Variants in SUPT3H observed in about 807,000 individuals in gnomAD.
SUPT3H encodes SPT3 homolog, SAGA and STAGA complex component.
In SUPT3H, 44 loss-of-function variants were observed where a neutral mutation model predicts 44.3. The observed-to-expected ratio is 0.99, with a 90% CI of 0.78 to 1.28. SUPT3H has a LOEUF of 1.28. SUPT3H is among the 50% of genes most tolerant of loss of function. SUPT3H has a pLI of 0.00. For synonymous variants in SUPT3H, 124 were observed against 125.6 expected (o/e 0.99, Z 0.09); for missense variants, 380 against 387.1 (o/e 0.98, Z 0.15).
chr6:45,002,957 T>C (rs1582996489), intron 6 of SUPT3H, among the ~76,000 whole-genome samples: 2 of 152,278 alleles, frequency 1.3e-5, no homozygotes, highest in Non-Finnish European at 1.5e-5. Flanking sequence ...TATGTGAAAG[T>C]ATGATAATAG....
rs58524677 is a variant in SUPT3H at position 45,288,547 on chromosome 6, GTATATATA to G, written c.101+76646_101+76653del. 2.6e-3 allele frequency among the ~76,000 whole-genome samples: 324 copies of G among 126,680 alleles called. 5 individuals are homozygous for G. The highest frequency in any genetic ancestry group is 8.7e-3 in the Middle Eastern group (2 of 230). 83.1% of individuals were successfully genotyped at this position (126,680 alleles called of 152,430 possible). ...AGAGATACAATGTGTGTGTGTGTGT[GTATATATA>G]TATATATATGTATATATATATATAT... On this transcript the variant is annotated intron_variant, in intron 2 of 10. Coordinates refer to ENST00000371459, the MANE Select transcript of SUPT3H (RefSeq NM_003599.4).
At chr6:45,330,871 A>G in intron 2 of SUPT3H, among the ~76,000 whole-genome samples, 1 of 151,970 alleles carries the variant, frequency 6.6e-6, no homozygotes, top group East Asian at 1.9e-4. Flanking sequence ...TGAGTAGTGG[A>G]CATCATGTAT....
intron 10 of SUPT3H, among the ~76,000 whole-genome samples, chr6:44,907,030 G>C (rs1431898987): frequency 1.3e-5 from 2 of 152,122 alleles, no homozygotes; most frequent in Non-Finnish European, 2.9e-5. Context: ...TCATTACCTT[G>C]ATGATTAAGA....
At chr6:45,284,092 C>T (rs1584693041) in intron 2 of SUPT3H, among the ~76,000 whole-genome samples, 1 of 151,960 alleles carries the variant, frequency 6.6e-6, no homozygotes, top group Non-Finnish European at 1.5e-5. Flanking sequence ...ACATTCAAAG[C>T]AGTGTGTAGA....
intron 2 of SUPT3H, among the ~76,000 whole-genome samples, chr6:45,281,448 C>T (rs562703855): frequency 7.9e-5 from 12 of 152,190 alleles, no homozygotes; most frequent in Non-Finnish European, 1.6e-4. Flanking sequence ...GATTATATCC[C>T]GTGCCTGGCT....
intron 3 of SUPT3H, among the ~76,000 whole-genome samples, chr6:45,048,279 T>G (rs948878144): frequency 5.8e-4 from 87 of 150,076 alleles, no homozygotes; most frequent in Non-Finnish European, 8.0e-4. Context: ...GTAATCCCAT[T>G]CATCTATTTT....
chr6:45,166,656 C>T (rs887748181), intron 2 of SUPT3H, among the ~76,000 whole-genome samples: 10 of 148,804 alleles, frequency 6.7e-5, no homozygotes, highest in African/African-American at 1.2e-4. Flanking sequence ...AGTAATATCA[C>T]GACTCAGTAA....
At chr6:45,267,344 T>C (rs527754820) in intron 2 of SUPT3H, among the ~76,000 whole-genome samples, 4 of 152,324 alleles carry the variant, frequency 2.6e-5, no homozygotes, top group South Asian at 4.1e-4. Context: ...ATTCCTTTTA[T>C]AGAGTAAAAA....
intron 11 of SUPT3H, among the ~76,000 whole-genome samples, chr6:44,819,856 A>G (rs1250461803): frequency 6.6e-6 from 1 of 152,230 alleles, no homozygotes; most frequent in East Asian, 1.9e-4. Context: ...GATAAATAAT[A>G]CATGATTTTT....
chr6:44,877,183 T>C (rs1777450157), intron 10 of SUPT3H, among the ~76,000 whole-genome samples: 1 of 152,186 alleles, frequency 6.6e-6, no homozygotes, highest in Non-Finnish European at 1.5e-5. Flanking sequence ...TCCCAGTGCA[T>C]GGGCTGGGCA....
At chr6:44,935,016 A>G (rs1771181805) in intron 9 of SUPT3H, among the ~76,000 whole-genome samples, 1 of 152,250 alleles carries the variant, frequency 6.6e-6, no homozygotes, top group Admixed American at 6.5e-5. Context: ...AAATGTCATT[A>G]GAGTTTCCAT....
intron 2 of SUPT3H, among the ~76,000 whole-genome samples, chr6:45,111,327 AGCC>A (rs1373061316): frequency 6.6e-6 from 1 of 152,116 alleles, no homozygotes; most frequent in Non-Finnish European, 1.5e-5. Flanking sequence ...CACTGCCCCC[AGCC>A]AAAATGGTAT....
intron 3 of SUPT3H, among the ~76,000 whole-genome samples, chr6:45,096,040 C>T (rs1002248629): frequency 6.6e-6 from 1 of 151,982 alleles, no homozygotes; most frequent in Non-Finnish European, 1.5e-5. Flanking sequence ...ACGCTATGTT[C>T]CAGGAATTTC....
intron 5 of SUPT3H, among the ~76,000 whole-genome samples, chr6:45,009,080 A>G (rs1208837899): frequency 6.6e-6 from 1 of 152,138 alleles, no homozygotes; most frequent in Non-Finnish European, 1.5e-5. Context: ...TCTTCTTTGT[A>G]GAAATCTCTA....
chr6:45,279,250 CTG>C (rs1777534873), intron 2 of SUPT3H, among the ~76,000 whole-genome samples: 1 of 152,064 alleles, frequency 6.6e-6, no homozygotes, highest in Non-Finnish European at 1.5e-5. Flanking sequence ...AAGCATTACA[CTG>C]TAGAAAATAT....
intron 2 of SUPT3H, among the ~76,000 whole-genome samples, chr6:45,217,541 A>G (rs931385708): frequency 3.3e-5 from 5 of 152,162 alleles, no homozygotes; most frequent in African/African-American, 7.2e-5. Context: ...AGTCACATGT[A>G]TGTATACCCT....
intron 10 of SUPT3H, among the ~76,000 whole-genome samples, chr6:44,889,311 C>G (rs1329794047): frequency 6.6e-6 from 1 of 152,158 alleles, no homozygotes; most frequent in African/African-American, 2.4e-5. Flanking sequence ...ATCACCAAGT[C>G]AATCCTAAGC....
intron 2 of SUPT3H, among the ~76,000 whole-genome samples, chr6:45,246,683 C>T (rs1771399664): frequency 6.6e-6 from 1 of 152,116 alleles, no homozygotes; most frequent in South Asian, 2.1e-4. Flanking sequence ...AGGAAGGTAC[C>T]TGTGAAATCC....
chr6:44,847,895 C>T (rs1320440140), intron 10 of SUPT3H, among the ~76,000 whole-genome samples: 2 of 148,244 alleles, frequency 1.3e-5, no homozygotes, highest in Admixed American at 6.7e-5. Context: ...ATGGATTCCA[C>T]TAATTTTCTT....
Sources: allele counts gnomAD v4.1 joint callset (sites outside exome capture counted in the v4.1 genomes callset), GRCh38; gene constraint gnomAD v4.1.1; transcripts MANE v1.5; gene names NCBI Gene and HGNC (gene_info 2026-07-23, HGNC 2026-07-21).